Variants in ITGB5 observed in about 807,000 individuals in gnomAD.
ITGB5 encodes the protein integrin subunit beta 5, also known as integrin beta-5.
Under a neutral mutation model 84.8 loss-of-function variants are expected in ITGB5, and 38 were observed. The ratio of observed to expected loss-of-function variants is 0.45; its 90% confidence interval spans 0.35 to 0.59. ITGB5 has a LOEUF of 0.59. Among genes scored for constraint, ITGB5 ranks in the 20% least tolerant of loss-of-function variants. ITGB5 has a pLI of 0.01. For synonymous variants in ITGB5, 393 were observed against 414.4 expected, an observed-to-expected ratio of 0.95 and a Z score of 0.63; for missense variants, 905 against 1,034.5, an observed-to-expected ratio of 0.87 and a Z score of 1.72.
intron 3 of ITGB5, among the ~76,000 whole-genome samples, chr3:124,856,563 C>T (rs3772856): frequency 0.16 from 23,887 of 152,104 alleles, 1,966 homozygotes; most frequent in South Asian, 0.21. Context: ...CACGATTATA[C>T]ATACATTATG....
intron 11 of ITGB5, 51 bp downstream of exon 11, chr3:124,773,639 C>CT: frequency 6.4e-7 from 1 of 1,568,542 alleles, no homozygotes; most frequent in Non-Finnish European, 8.7e-7. Context: ...GGCTGGACCA[C>CT]AGGCCTGGCC....
intron 10 of ITGB5, among the ~76,000 whole-genome samples, chr3:124,779,250 G>C (rs1186100606): frequency 6.6e-6 from 1 of 150,742 alleles, no homozygotes; most frequent in Non-Finnish European, 1.5e-5. Flanking sequence ...GGCAGGATCA[G>C]GTCTTTGGGG....
chr3:124,798,418 T>TTTGTTG (rs750227931), intron 9 of ITGB5, among the ~76,000 whole-genome samples: 2 of 151,630 alleles, frequency 1.3e-5, no homozygotes, highest in African/African-American at 4.8e-5. Flanking sequence ...TAACAATGTT[T>TTTGTTG]TTGTTGTTGT....
At chr3:124,891,400 G>T (rs1934998785), upstream of ITGB5, among the ~76,000 whole-genome samples, 1 of 152,034 alleles carries the variant, frequency 6.6e-6, no homozygotes, top group Admixed American at 6.6e-5. Flanking sequence ...AGAAATGAAG[G>T]CCTTTGCAAT....
intron 10 of ITGB5, chr3:124,781,426 T>G (rs2064003590): frequency 1.3e-5 from 2 of 152,302 alleles, no homozygotes; most frequent in Non-Finnish European, 2.9e-5. Context: ...CCAAGCCTGG[T>G]CCCCACAGCA....
intron 11 of ITGB5, among the ~76,000 whole-genome samples, chr3:124,771,952 G>A (rs1440419786): frequency 6.6e-6 from 1 of 152,104 alleles, no homozygotes; most frequent in Non-Finnish European, 1.5e-5. Context: ...TGCTCCATAG[G>A]AAGGCAAGAC....
chr3:124,853,828 T>C (rs2065189220), intron 3 of ITGB5, among the ~76,000 whole-genome samples: 2 of 152,194 alleles, frequency 1.3e-5, no homozygotes, highest in Non-Finnish European at 2.9e-5. Flanking sequence ...ACATAGAACA[T>C]CTCTGTGTTA....
chr3:124,847,303 T>C (rs988990673), intron 4 of ITGB5, among the ~76,000 whole-genome samples: 2 of 152,142 alleles, frequency 1.3e-5, no homozygotes, highest in African/African-American at 4.8e-5. Flanking sequence ...ATCTTGACAT[T>C]TAAAGAAACT....
chr3:124,897,545 G>C (rs1935127186), intron 1 of ITGB5, among the ~76,000 whole-genome samples: 5 of 152,178 alleles, frequency 3.3e-5, no homozygotes, highest in Admixed American at 3.3e-4. Context: ...CTGTTGGCTA[G>C]GCGTAGTGGC....
In ITGB5 at chr3:124,897,228, A is replaced by G. The variant is rs188531473; in HGVS notation, c.-255+4038T>C. 2.5e-3 allele frequency among the ~76,000 whole-genome samples: 383 copies of G among 152,118 alleles called. 2 individuals are homozygous for G. The highest frequency in any genetic ancestry group is 7.4e-3 in the Admixed American group (113 of 15,276). ...TACTGTTGACAGAATGTTTTCCTCC[A>G]TGTCCTTCTTTTTTGTTTGTTTTTG... On this transcript the variant is annotated intron_variant, in intron 1 of 4. Transcript: ENST00000608657.
At chr3:124,791,332 A>G (rs1194324111) in intron 10 of ITGB5, 1 of 152,244 alleles carries the variant, frequency 6.6e-6, no homozygotes, top group Non-Finnish European at 1.5e-5. Flanking sequence ...AAGAGCCCCA[A>G]GCTCACACAC....
At chr3:124,860,238 C>G (rs1377015639) in intron 2 of ITGB5, among the ~76,000 whole-genome samples, 1 of 151,912 alleles carries the variant, frequency 6.6e-6, no homozygotes, top group African/African-American at 2.4e-5. Flanking sequence ...AATCCTTAAA[C>G]CATAAGAATA....
chr3:124,769,132 A>G lies in ITGB5; in HGVS notation c.1917-19T>C. Reference sequence around the variant, plus strand: ...GCAATCTCTTTGGAAAAGAGGAGATAAAGGTGGGTGTCAGATAATGTAGAA... The same window carrying G: ...GCAATCTCTTTGGAAAAGAGGAGATGAAGGTGGGTGTCAGATAATGTAGAA... On this transcript the variant is annotated intron_variant, in intron 11 of 14. Transcript: ENST00000296181. 6.2e-7 allele frequency: 1 copy of G among 1,605,306 alleles called. No homozygotes were observed. Among genetic ancestry groups the G allele is most frequent in the Non-Finnish European group, 8.5e-7 (1 of 1,172,404 alleles).
intron 10 of ITGB5, among the ~76,000 whole-genome samples, chr3:124,787,006 G>A (rs1484339601): frequency 2.6e-5 from 4 of 152,030 alleles, no homozygotes; most frequent in South Asian, 2.1e-4. Context: ...CTAATACCAC[G>A]CACACCTCAA....
intron 10 of ITGB5, among the ~76,000 whole-genome samples, chr3:124,790,899 A>G (rs562289379): frequency 2.0e-5 from 3 of 152,296 alleles, no homozygotes; most frequent in African/African-American, 7.2e-5. Flanking sequence ...TCAAAATTCT[A>G]TATCCTATTT....
intron 12 of ITGB5, among the ~76,000 whole-genome samples, chr3:124,768,607 T>C (rs1258637251): frequency 6.6e-6 from 1 of 152,240 alleles, no homozygotes; most frequent in Non-Finnish European, 1.5e-5. Context: ...GTCCACTGTA[T>C]AGATGGACCA....
intron 3 of ITGB5, among the ~76,000 whole-genome samples, chr3:124,851,971 T>G (rs3772851): frequency 0.41 from 62,721 of 151,980 alleles, 13,230 homozygotes; most frequent in East Asian, 0.67. Context: ...TTAATGCATG[T>G]GAAGTGCACT....
At chr3:124,899,752 G>T (rs1390280617) in intron 1 of ITGB5, among the ~76,000 whole-genome samples, 1 of 149,708 alleles carries the variant, frequency 6.7e-6, no homozygotes, top group African/African-American at 2.5e-5. Context: ...CACTCAGGAG[G>T]CTGAAGTGGG....
chr3:124,836,209 T>G (rs1334632877), intron 5 of ITGB5, among the ~76,000 whole-genome samples: 2 of 93,570 alleles, frequency 2.1e-5, no homozygotes, highest in African/African-American at 1.0e-4. Context: ...TTGGAATGTA[T>G]TATTAAAAAA....
Sources: gnomAD v4.1 joint callset for allele counts (sites outside exome capture counted in the v4.1 genomes callset) on GRCh38, gnomAD v4.1.1 for gene constraint, MANE v1.5 for transcripts, NCBI Gene and HGNC (gene_info 2026-07-23, HGNC 2026-07-21) for gene names.